Variants in CLCN5 observed in about 807,000 individuals in gnomAD.
CLCN5 encodes the protein Cl-/H+ antiporter 5.
CLCN5 carries 17 observed loss-of-function variants against 54.0 expected under a neutral mutation model. The observed-to-expected ratio is 0.31, with a 90% CI of 0.22 to 0.47. The LOEUF (loss-of-function observed/expected upper bound fraction) is 0.47. Ranked by LOEUF, CLCN5 falls within the 20% of genes least tolerant of loss-of-function variation. The pLI is 1.00. For missense variants in CLCN5, 448 were observed against 646.7 expected, an observed-to-expected ratio of 0.69 and a Z score of 3.33; for synonymous variants, 222 against 233.0, an observed-to-expected ratio of 0.95 and a Z score of 0.43.
intron 9 of CLCN5, chrX:50,085,669 C>A: frequency 3.1e-6 from 1 of 324,646 alleles, no homozygotes; most frequent in Non-Finnish European, 5.5e-6. Context: ...ACAAATAGGC[C>A]TAGAAATTCA....
chrX:50,026,798 A>T (rs1239077061), intron 3 of CLCN5, among the ~76,000 whole-genome samples: 1 of 111,197 alleles, frequency 9.0e-6, no homozygotes, highest in Non-Finnish European at 1.9e-5. Context: ...GTAAAAGGTA[A>T]GGTATTTGTT....
intron 3 of CLCN5, among the ~76,000 whole-genome samples, chrX:50,016,228 C>A (rs1930783190): frequency 9.0e-6 from 1 of 111,470 alleles, no homozygotes; most frequent in African/African-American, 3.3e-5. Context: ...AGTTTGAGAA[C>A]CATTGGTTTA....
chrX:49,939,456 C>A (rs1926201254), intron 3 of CLCN5, among the ~76,000 whole-genome samples: 1 of 111,162 alleles, frequency 9.0e-6, no homozygotes, highest in Non-Finnish European at 1.9e-5. Context: ...TACTATGCAG[C>A]CATAAAAAAG....
At chrX:49,987,046 A>G (rs993925654) in intron 3 of CLCN5, among the ~76,000 whole-genome samples, 9 of 112,727 alleles carry the variant, frequency 8.0e-5, no homozygotes, top group African/African-American at 2.9e-4. Flanking sequence ...TGGCATGTTC[A>G]GGAACAGTTA....
intron 3 of CLCN5, chrX:50,003,548 G>A: frequency 2.6e-6 from 1 of 379,524 alleles, no homozygotes; most frequent in East Asian, 7.7e-5. Context: ...TGAGCTTTCT[G>A]AAAACCCCTC....
intron 12 of CLCN5, among the ~76,000 whole-genome samples, chrX:50,089,295 T>C (rs1317730925): frequency 8.9e-6 from 1 of 112,175 alleles, no homozygotes; most frequent in Non-Finnish European, 1.9e-5. Flanking sequence ...ATGTTTAACA[T>C]CTTAAAATAT....
chrX:50,013,689 G>T (rs1557183031), intron 3 of CLCN5, among the ~76,000 whole-genome samples: 1 of 112,339 alleles, frequency 8.9e-6, no homozygotes, highest in Non-Finnish European at 1.9e-5. Flanking sequence ...TGCATGCCTG[G>T]TGTGCAGGTG....
At chrX:50,001,831 G>GTAA (rs1929835451) in intron 3 of CLCN5, among the ~76,000 whole-genome samples, 1 of 110,826 alleles carries the variant, frequency 9.0e-6, no homozygotes, top group African/African-American at 3.3e-5. Flanking sequence ...ATGTAAAACT[G>GTAA]TAACCTGCAG....
In CLCN5 at chrX:50,090,500, T is replaced by C. The variant is rs1557194626; in HGVS notation, c.2129T>C (p.Leu710Pro). Reference sequence around the variant, plus strand: ...GTGGGCTTTGTCCTCCGAAGAGATCTCATTATTTCAATTGGTAAGGATTTC... The same window carrying C: ...GTGGGCTTTGTCCTCCGAAGAGATCCCATTATTTCAATTGGTAAGGATTTC... ...RLVGFVLRRD[L>P]IISIENARKK... The change falls in exon 13 of 15, where the codon CTC becomes CCC. Residue 710 changes from leucine (L) to proline (P), a missense_variant. Leu to Pro is a moderately conservative substitution (Grantham distance 98, BLOSUM62 -3). Transcript: ENST00000376091. 1 of 1,206,329 alleles carries C rather than the reference T, an allele frequency of 8.3e-7. No individual in the cohort carries two copies.
intron 3 of CLCN5, among the ~76,000 whole-genome samples, chrX:49,973,550 C>T (rs1438809721): frequency 1.9e-5 from 2 of 103,290 alleles, no homozygotes; most frequent in Non-Finnish European, 3.9e-5. Flanking sequence ...TCTTTCTTAA[C>T]AGCTTTATTG....
intron 3 of CLCN5, among the ~76,000 whole-genome samples, chrX:49,927,788 CAT>C (rs782616646): frequency 1.8e-5 from 2 of 112,318 alleles, no homozygotes; most frequent in African/African-American, 3.2e-5. Context: ...GGATAAAAAA[CAT>C]GTGTTACATA....
At chrX:50,028,504 G>A (rs183818258) in intron 3 of CLCN5, among the ~76,000 whole-genome samples, 5 of 111,878 alleles carry the variant, frequency 4.5e-5, no homozygotes, top group African/African-American at 1.3e-4. Flanking sequence ...CTACCCCAGA[G>A]AACCTAAACT....
intron 5 of CLCN5, among the ~76,000 whole-genome samples, chrX:50,070,665 C>T (rs1557191428): frequency 8.9e-6 from 1 of 111,822 alleles, no homozygotes; most frequent in Admixed American, 9.5e-5. Context: ...CCAACAAAAC[C>T]ACAAGACCAG....
chrX:50,047,033 C>G (rs1557187836), intron 4 of CLCN5, among the ~76,000 whole-genome samples: 1 of 111,569 alleles, frequency 9.0e-6, no homozygotes, highest in Non-Finnish European at 1.9e-5. Flanking sequence ...GAAAAAAAAT[C>G]TTAATACTCA....
chrX:50,088,716 A>G lies in CLCN5; in HGVS notation c.1576A>G (p.Ile526Val). 8.3e-7 allele frequency: 1 copy of G among 1,211,249 alleles called. No individual in the cohort carries two copies. The highest frequency in any genetic ancestry group is 1.1e-6 in the Non-Finnish European group (1 of 895,086). The change falls in exon 12 of 15, where the codon ATC becomes GTC. Residue 526 changes from isoleucine (I) to valine (V), a missense_variant. Ile to Val is a conservative substitution (Grantham distance 29, BLOSUM62 3). This residue lies in a region of CLCN5 where 297 missense variants were observed against 470.4 expected (regional missense o/e 0.63). Coordinates refer to ENST00000376091, the MANE Select transcript of CLCN5 (RefSeq NM_001127898.4). ...FGMKIPSGLFIPSMAVGAIAG... is the reference protein window; with the variant it reads ...FGMKIPSGLFVPSMAVGAIAG... ...TTTGCAGATCCCTTCTGGCCTCTTT[A>G]TCCCTAGCATGGCTGTTGGTGCTAT...
intron 3 of CLCN5, among the ~76,000 whole-genome samples, chrX:49,952,830 AAGAG>A (rs1557173295): frequency 8.9e-6 from 1 of 112,312 alleles, no homozygotes; most frequent in Non-Finnish European, 1.9e-5. Flanking sequence ...CAGATTTAAA[AAGAG>A]AGAGAACCAT....
intron 3 of CLCN5, among the ~76,000 whole-genome samples, chrX:50,007,440 TCACACA>T (rs1198364892): frequency 6.0e-4 from 42 of 69,527 alleles, no homozygotes; most frequent in African/African-American, 1.5e-3. Flanking sequence ...TCTCTCTCTG[TCACACA>T]CACACACACA....
intron 3 of CLCN5, among the ~76,000 whole-genome samples, chrX:49,983,212 G>T (rs1421566493): frequency 8.9e-6 from 1 of 111,925 alleles, no homozygotes; most frequent in Non-Finnish European, 1.9e-5. Context: ...AGGTCTATTT[G>T]GGGGGACAAC....
In CLCN5 at chrX:50,097,419, C is replaced by T. The variant is rs782530984; in HGVS notation, c.*5200C>T. 8.9e-6 allele frequency: 1 copy of T among 112,162 alleles called. No homozygotes were observed. The highest frequency in any genetic ancestry group is 3.7e-4 in the South Asian group (1 of 2,668). 9.2% of individuals were successfully genotyped at this position (112,162 alleles called of 1,213,427 possible). ...TATCGGGTCACCCAGCCCAGTCTTA[C>T]AGTCATAAATTCCTACCTCTTAGTT... On this transcript the variant is annotated 3_prime_UTR_variant, in exon 15 of 15. Transcript: ENST00000376091.
Sources: gnomAD v4.1 joint callset for allele counts (sites outside exome capture counted in the v4.1 genomes callset) on GRCh38, gnomAD v4.1.1 for gene constraint, gnomAD v4.1.1 regional missense constraint, MANE v1.5 for transcripts, NCBI Gene and HGNC (gene_info 2026-07-23, HGNC 2026-07-21) for gene names.